The following OLA1 variants were observed in gnomAD, a reference collection of about 807,000 sequenced individuals.
OLA1 encodes obg-like ATPase 1.
In OLA1, 14 loss-of-function variants were observed where a neutral mutation model predicts 48.4. The ratio of observed to expected loss-of-function variants is 0.29; its 90% CI spans 0.19 to 0.45. The LOEUF (loss-of-function observed/expected upper bound fraction) is 0.45. OLA1 is among the 20% of genes least tolerant of loss of function. The pLI is 1.00. For synonymous variants in OLA1, 127 were observed against 150.4 expected (o/e 0.84, Z 1.14); for missense variants, 325 against 467.1 (o/e 0.70, Z 2.80).
rs572535839 is a variant in OLA1 at position 174,225,503 on chromosome 2, C to A, written c.246-2343G>T. 4.6e-5 allele frequency among the ~76,000 whole-genome samples: 7 copies of A among 152,152 alleles called. No individual in the cohort carries two copies. In the East Asian group the frequency reaches 1.2e-3, roughly 25 times the overall value. On this transcript the variant is annotated intron_variant, in intron 3 of 10. Coordinates refer to ENST00000284719, the MANE Select transcript of OLA1 (RefSeq NM_013341.5). ...GGCGGAGGTTGCAGTGAGCTGAGAT[C>A]GCGCCATTGCACTCCAGCCTGGGCA...
chr2:174,196,588 T>C (rs1434143399), intron 4 of OLA1, among the ~76,000 whole-genome samples: 1 of 152,206 alleles, frequency 6.6e-6, no homozygotes, highest in African/African-American at 2.4e-5. Context: ...AATACTTTAA[T>C]TGTATAAAAC....
intron 7 of OLA1, among the ~76,000 whole-genome samples, chr2:174,084,272 A>C (rs1290239790): frequency 6.6e-6 from 1 of 152,196 alleles, no homozygotes; most frequent in African/African-American, 2.4e-5. Context: ...AGGTCTCTAA[A>C]GTGACTGACA....
chr2:174,096,720 A>T (rs1685264199), intron 7 of OLA1, among the ~76,000 whole-genome samples: 1 of 152,192 alleles, frequency 6.6e-6, no homozygotes, highest in Non-Finnish European at 1.5e-5. Context: ...TTAGGATTAA[A>T]ATCCCTTGAA....
chr2:174,218,842 A>G (rs989932738), intron 4 of OLA1, among the ~76,000 whole-genome samples: 5 of 152,080 alleles, frequency 3.3e-5, no homozygotes, highest in African/African-American at 1.2e-4. Flanking sequence ...ATTTTTTTAG[A>G]GAGAGGATCT....
At chr2:174,139,455 T>C (rs1686387530) in intron 5 of OLA1, among the ~76,000 whole-genome samples, 1 of 152,214 alleles carries the variant, frequency 6.6e-6, no homozygotes, top group South Asian at 2.1e-4. Flanking sequence ...ATGGTGCTTG[T>C]TACAGCAACC....
intron 4 of OLA1, among the ~76,000 whole-genome samples, chr2:174,195,167 C>T (rs1687857017): frequency 6.6e-6 from 1 of 152,088 alleles, no homozygotes; most frequent in Admixed American, 6.5e-5. Flanking sequence ...TAAAATCCTA[C>T]CATAAATAAC....
intron 4 of OLA1, among the ~76,000 whole-genome samples, chr2:174,186,510 G>C (rs1483028876): frequency 1.3e-5 from 2 of 152,134 alleles, no homozygotes; most frequent in Non-Finnish European, 1.5e-5. Flanking sequence ...GACCCTCTTA[G>C]TCCTCTTGAG....
chr2:174,078,060 C>G (rs542445773), intron 10 of OLA1, among the ~76,000 whole-genome samples: 1 of 151,940 alleles, frequency 6.6e-6, no homozygotes, highest in South Asian at 2.1e-4. Context: ...CCAAGATTTT[C>G]CCCCTCCTCT....
intron 4 of OLA1, among the ~76,000 whole-genome samples, chr2:174,144,951 AATATATATATATATAT>A (rs71021672): frequency 9.9e-5 from 4 of 40,296 alleles, no homozygotes; most frequent in African/African-American, 2.1e-4. Context: ...AAAAAAAAAA[AATATATATATATATAT>A]ATATATATAT....
chr2:174,200,678 T>C (rs369039038), intron 4 of OLA1, among the ~76,000 whole-genome samples: 28 of 152,264 alleles, frequency 1.8e-4, no homozygotes, highest in Middle Eastern at 6.8e-3. Flanking sequence ...TCAGAAGGTA[T>C]CATTATCTAC....
intron 4 of OLA1, among the ~76,000 whole-genome samples, chr2:174,181,741 C>A (rs1382932195): frequency 6.6e-6 from 1 of 152,188 alleles, no homozygotes; most frequent in Non-Finnish European, 1.5e-5. Context: ...TCCCTTACCT[C>A]CTTCAGTTAT....
intron 2 of OLA1, among the ~76,000 whole-genome samples, chr2:174,239,041 T>A (rs1688932250): frequency 6.6e-6 from 1 of 152,178 alleles, no homozygotes; most frequent in Non-Finnish European, 1.5e-5. Context: ...CATGAATAAA[T>A]GGGAAACTCT....
chr2:174,075,802 G>A (rs1340886420), intron 10 of OLA1, among the ~76,000 whole-genome samples: 1 of 152,114 alleles, frequency 6.6e-6, no homozygotes, highest in Non-Finnish European at 1.5e-5. Context: ...ATATCATTAA[G>A]TTTCATTACA....
At chr2:174,137,686 G>C (rs1046778666) in intron 5 of OLA1, among the ~76,000 whole-genome samples, 1 of 152,186 alleles carries the variant, frequency 6.6e-6, no homozygotes, top group African/African-American at 2.4e-5. Flanking sequence ...TAGGGCTATG[G>C]CTTCTTTTCT....
At chr2:174,107,147 A>G (rs7585958) in intron 7 of OLA1, among the ~76,000 whole-genome samples, 144,934 of 152,224 alleles carry the variant, frequency 0.95, 69,403 homozygotes, top group East Asian at 1. Flanking sequence ...TGAAATGTCG[A>G]TTATGTACAG....
At position 174,073,843 on chromosome 2, in the gene OLA1, T is replaced by G. The variant is rs560355630; in HGVS notation, c.*1583A>C. 1 of 152,356 alleles carries G rather than the reference T, an allele frequency of 6.6e-6. No homozygotes were observed. Among genetic ancestry groups the G allele is most frequent in the African/African-American group, 2.4e-5 (1 of 41,584 alleles). The allele number at this position is 152,356 out of a possible 1,614,324, so 9.4% of individuals were successfully genotyped here. A position where few individuals can be genotyped will look rare whatever the true frequency, so the allele number is the denominator to read the frequency against. ...ATAACAAGGATTTTTCACAGCAAAC[T>G]TGGTCAGCTATACCTGTAGCCTAGT... On this transcript the variant is annotated 3_prime_UTR_variant, in exon 11 of 11. Coordinates refer to ENST00000284719, the MANE Select transcript of OLA1 (RefSeq NM_013341.5).
chr2:174,230,782 G>C (rs1688711548), intron 2 of OLA1, among the ~76,000 whole-genome samples: 1 of 152,190 alleles, frequency 6.6e-6, no homozygotes, highest in Non-Finnish European at 1.5e-5. Flanking sequence ...TTCTGGATGA[G>C]ATGTAGAAGC....
At chr2:174,181,533 G>C (rs1000870983) in intron 4 of OLA1, among the ~76,000 whole-genome samples, 5 of 152,208 alleles carry the variant, frequency 3.3e-5, no homozygotes, top group Non-Finnish European at 7.3e-5. Flanking sequence ...CTATATGACA[G>C]AGGGAAGCAG....
At chr2:174,235,644 C>G (rs1688830290) in intron 2 of OLA1, among the ~76,000 whole-genome samples, 1 of 152,140 alleles carries the variant, frequency 6.6e-6, no homozygotes, top group Non-Finnish European at 1.5e-5. Context: ...CCAGTAGTCA[C>G]ACCAAGTTGA....
Sources: gnomAD v4.1 joint callset for allele counts (sites outside exome capture counted in the v4.1 genomes callset) on GRCh38, gnomAD v4.1.1 for gene constraint, MANE v1.5 for transcripts, NCBI Gene and HGNC (gene_info 2026-07-23, HGNC 2026-07-21) for gene names.